Variants in FNDC3B observed in about 807,000 individuals in gnomAD.
FNDC3B encodes the protein fibronectin type III domain containing 3B.
Under a neutral mutation model 151.5 loss-of-function variants are expected in FNDC3B, and 12 were observed. The observed-to-expected ratio is 0.08, with a 90% confidence interval of 0.05 to 0.13. The LOEUF is 0.13. Ranked by LOEUF, FNDC3B falls within the 10% of genes least tolerant of loss-of-function variation. The probability of loss-of-function intolerance (pLI) is 1.00; values close to 1 mark genes in which losing one functional copy is unlikely to be tolerated. For missense variants in FNDC3B, 1,214 were observed against 1,505.3 expected, an observed-to-expected ratio of 0.81 and a Z score of 3.20; for synonymous variants, 528 against 549.0, an observed-to-expected ratio of 0.96 and a Z score of 0.54.
intron 2 of FNDC3B, among the ~76,000 whole-genome samples, chr3:172,130,592 G>C (rs1559980053): frequency 2.0e-5 from 3 of 152,140 alleles, no homozygotes; most frequent in Non-Finnish European, 4.4e-5. Context: ...AGTTTGGCCT[G>C]GTGTCAGTGA....
chr3:172,070,745 A>G (rs1717735613), intron 1 of FNDC3B, among the ~76,000 whole-genome samples: 1 of 152,198 alleles, frequency 6.6e-6, no homozygotes, highest in South Asian at 2.1e-4. Context: ...CCCTGGACTT[A>G]TTACCCAGCC....
In FNDC3B at chr3:172,268,610, T is replaced by TAGCC. The variant is rs533729026; in HGVS notation, c.790+17072_790+17075dup. On this transcript the variant is annotated intron_variant, in intron 6 of 25. Transcript: ENST00000415807. ...GTCATGTAGATCACAGCTCTCCGTGTAGCCAGGCTCAAGTTAAGGTAGTTC... is the reference window on the plus strand; with the variant it reads ...GTCATGTAGATCACAGCTCTCCGTGTAGCCAGCCAGGCTCAAGTTAAGGTAGTTC... Among the ~76,000 whole-genome samples the TAGCC allele has an allele frequency of 4.1e-3, 627 of 152,342 alleles. 7 individuals are homozygous for TAGCC. The highest frequency in any genetic ancestry group is 6.7e-3 in the Non-Finnish European group (453 of 68,038).
intron 9 of FNDC3B, among the ~76,000 whole-genome samples, chr3:172,300,579 T>C (rs1730855981): frequency 6.6e-6 from 1 of 152,206 alleles, no homozygotes; most frequent in Non-Finnish European, 1.5e-5. Flanking sequence ...GAATAGTTAA[T>C]GGATTCCCCA....
At chr3:172,056,222 T>A (rs35461662) in intron 1 of FNDC3B, among the ~76,000 whole-genome samples, 77,003 of 150,146 alleles carry the variant, frequency 0.51, 20,359 homozygotes, top group Non-Finnish European at 0.58. Context: ...TTTTTTTTTT[T>A]AAAAAATGTA....
Position 172,140,609 on chromosome 3 carries a change from C to A in FNDC3B, c.187+7063C>A, listed in dbSNP as rs1006811473. ...TACCAGCAGGTGGTTTCCACCAGGG[C>A]CGGAAAATACTGACGGGCCCAGAGC... On this transcript the variant is annotated intron_variant, in intron 3 of 25. Transcript: ENST00000415807. 4.6e-5 allele frequency among the ~76,000 whole-genome samples: 7 copies of A among 152,130 alleles called. No homozygotes were observed. In the East Asian group the frequency reaches 1.2e-3, roughly 25 times the overall value.
At chr3:172,151,091 A>C (rs1374313858) in intron 3 of FNDC3B, among the ~76,000 whole-genome samples, 6 of 152,196 alleles carry the variant, frequency 3.9e-5, no homozygotes, top group Admixed American at 6.5e-5. Flanking sequence ...GGACTTACAT[A>C]CAAGTCATAA....
chr3:172,144,652 C>CT (rs1284312035), intron 3 of FNDC3B, among the ~76,000 whole-genome samples: 1 of 151,958 alleles, frequency 6.6e-6, no homozygotes, highest in Non-Finnish European at 1.5e-5. Flanking sequence ...TTTGTATTCT[C>CT]TGTCTCTTAA....
chr3:172,232,929 C>T (rs73027380), intron 4 of FNDC3B, among the ~76,000 whole-genome samples: 4,302 of 152,216 alleles, frequency 0.028, 220 homozygotes, highest in African/African-American at 0.097. Flanking sequence ...GTAGCTACTA[C>T]AATGAAAAAG....
intron 3 of FNDC3B, among the ~76,000 whole-genome samples, chr3:172,149,864 G>C (rs1163009623): frequency 7.7e-6 from 1 of 130,492 alleles, no homozygotes; most frequent in Non-Finnish European, 1.5e-5. Flanking sequence ...TGTCACCCAG[G>C]CTGGAGTACA....
chr3:172,039,684 G>A lies in FNDC3B; in HGVS notation c.-116G>A. 6.1e-6 allele frequency: 1 copy of A among 164,426 alleles called. No individual in the cohort carries two copies. Among genetic ancestry groups the A allele is most frequent in the Non-Finnish European group, 1.3e-5 (1 of 77,616 alleles). 10.2% of individuals were successfully genotyped at this position (164,426 alleles called of 1,614,324 possible). A position where few individuals can be genotyped will look rare whatever the true frequency, so the allele number is the denominator to read the frequency against. The stretch of plus-strand genomic sequence containing the variant: ...GGCGGCGGGAGCAGCGAAGGGGGCG[G>A]CAGGGATCCTCCAGGCTGCCGGCTG... On this transcript the variant is annotated 5_prime_UTR_variant, in exon 1 of 26. Transcript: ENST00000415807.
At chr3:172,349,413 A>G (rs1331837347) in intron 21 of FNDC3B, among the ~76,000 whole-genome samples, 1 of 152,228 alleles carries the variant, frequency 6.6e-6, no homozygotes, top group African/African-American at 2.4e-5. Flanking sequence ...ACGTAATTCC[A>G]TTCATAGGGC....
intron 7 of FNDC3B, among the ~76,000 whole-genome samples, chr3:172,288,307 C>G (rs1056327693): frequency 6.6e-6 from 1 of 152,200 alleles, no homozygotes; most frequent in Non-Finnish European, 1.5e-5. Flanking sequence ...GTCTGAGTCA[C>G]TGGGCAGGGG....
intron 6 of FNDC3B, among the ~76,000 whole-genome samples, chr3:172,257,090 TA>T (rs1465708311): frequency 6.6e-6 from 1 of 152,164 alleles, no homozygotes; most frequent in Non-Finnish European, 1.5e-5. Context: ...TTTGTATTTT[TA>T]GTGGAGATGG....
chr3:172,344,334 T>G, intron 19 of FNDC3B, 76 bp downstream of exon 19: 3 of 1,375,778 alleles, frequency 2.2e-6, no homozygotes, highest in Non-Finnish European at 2.0e-6. Context: ...CTTCTGTCTC[T>G]AGCCTCCTGA....
intron 3 of FNDC3B, among the ~76,000 whole-genome samples, chr3:172,175,783 G>A (rs1189133913): frequency 6.6e-6 from 1 of 152,052 alleles, no homozygotes; most frequent in Non-Finnish European, 1.5e-5. Context: ...GGAGAAGTGT[G>A]AAGGGTCTCC....
At chr3:172,267,297 G>A (rs973251143) in intron 6 of FNDC3B, among the ~76,000 whole-genome samples, 1 of 151,890 alleles carries the variant, frequency 6.6e-6, no homozygotes, top group African/African-American at 2.4e-5. Context: ...CTGGGACTGT[G>A]GGCATGTGCC....
chr3:172,304,521 C>T (rs1023905571), intron 9 of FNDC3B, among the ~76,000 whole-genome samples: 1 of 152,198 alleles, frequency 6.6e-6, no homozygotes, highest in African/African-American at 2.4e-5. Flanking sequence ...ATGATGGGGA[C>T]TCTAGCGAAC....
At chr3:172,308,769 G>C (rs1336487957) in intron 10 of FNDC3B, among the ~76,000 whole-genome samples, 1 of 152,184 alleles carries the variant, frequency 6.6e-6, no homozygotes, top group Middle Eastern at 3.2e-3. Context: ...CACCTTTTCA[G>C]AGTTTTAACA....
In FNDC3B at chr3:172,217,892, G is replaced by T. The variant is rs553696852; in HGVS notation, c.188-8979G>T. 2.0e-5 allele frequency among the ~76,000 whole-genome samples: 3 copies of T among 152,220 alleles called. No homozygotes were observed. In the South Asian group the frequency reaches 6.2e-4, roughly 32 times the overall value. ...TGGCAAGACAGAATTGTTCACTAAC[G>T]CTGGCCTTGTGATTTGAAATGGCCA... On this transcript the variant is annotated intron_variant, in intron 3 of 25. Coordinates refer to ENST00000415807, the MANE Select transcript of FNDC3B (RefSeq NM_022763.4).
Sources: gnomAD v4.1 joint callset for allele counts (sites outside exome capture counted in the v4.1 genomes callset) on GRCh38, gnomAD v4.1.1 for gene constraint, MANE v1.5 for transcripts, NCBI Gene and HGNC (gene_info 2026-07-23, HGNC 2026-07-21) for gene names.